The following FLRT2 variants were observed in gnomAD, a reference collection of about 807,000 sequenced individuals.
The protein encoded by FLRT2 is leucine-rich repeat transmembrane protein FLRT2.
A neutral mutation model predicts 40.0 loss-of-function variants in FLRT2; 15 were observed. That is an observed-to-expected ratio of 0.38 (90% CI 0.25 to 0.58). The LOEUF (loss-of-function observed/expected upper bound fraction) is 0.58. FLRT2 is among the 20% of genes least tolerant of loss of function. The pLI, the probability that FLRT2 is intolerant of heterozygous loss-of-function variation, is 0.71. For missense variants in FLRT2, 726 were observed against 840.0 expected (o/e 0.86, Z 1.68); for synonymous variants, 380 against 336.8 (o/e 1.13, Z -1.41).
rs1894203354 is a variant in FLRT2 at position 85,643,326 on chromosome 14, T to TTCCTTC, written c.*19829_*19830insTCCTTC. 1 of 114,004 alleles carries TTCCTTC rather than the reference T, an allele frequency of 8.8e-6. No homozygotes were observed. The highest frequency in any genetic ancestry group is 3.7e-5 in the African/African-American group (1 of 26,702). The allele number at this position is 114,004 out of a possible 1,614,324, so 7.1% of individuals were successfully genotyped here. On this transcript the variant is annotated 3_prime_UTR_variant, in exon 2 of 2. Transcript: ENST00000330753. ...TTCTTTCTTTCTTTCTTTCTTTCTT[T>TTCCTTC]CTTTCTTTCTTTCTTTCTTTCTTTC...
rs1894443243 is a variant in FLRT2 at position 85,651,964 on chromosome 14, G to A, written c.*28467G>A. 6.6e-6 allele frequency: 1 copy of A among 151,932 alleles called. No homozygotes were observed. The highest frequency in any genetic ancestry group is 1.5e-5 in the Non-Finnish European group (1 of 67,938). The allele number at this position is 151,932 out of a possible 1,614,324, so 9.4% of individuals were successfully genotyped here. ...AATATGCTTTCCCACTAGGGCTGGGGCTAATGGAAAATACATCTTAAAAAG... is the reference window on the plus strand; with the variant it reads ...AATATGCTTTCCCACTAGGGCTGGGACTAATGGAAAATACATCTTAAAAAG... On this transcript the variant is annotated 3_prime_UTR_variant, in exon 2 of 2. Transcript: ENST00000330753.
intron 1 of FLRT2, among the ~76,000 whole-genome samples, chr14:85,565,907 A>G (rs952227003): frequency 3.3e-5 from 5 of 152,332 alleles, no homozygotes; most frequent in Non-Finnish European, 4.4e-5. Context: ...TTAGTCCTCC[A>G]GACAGAAACT....
At chr14:85,616,412 A>G (rs1893135838) in intron 1 of FLRT2, among the ~76,000 whole-genome samples, 1 of 152,186 alleles carries the variant, frequency 6.6e-6, no homozygotes, top group South Asian at 2.1e-4. Flanking sequence ...TATAGGTGAC[A>G]TGCCCAATGA....
rs949460294 is a variant in FLRT2 at position 85,634,508 on chromosome 14, A to G, written c.*11011A>G. 1.3e-5 allele frequency: 2 copies of G among 152,244 alleles called. No homozygotes were observed. Among genetic ancestry groups the G allele is most frequent in the Non-Finnish European group, 2.9e-5 (2 of 68,038 alleles). The allele number at this position is 152,244 out of a possible 1,614,324, so 9.4% of individuals were successfully genotyped here. A position where few individuals can be genotyped will look rare whatever the true frequency, so the allele number is the denominator to read the frequency against. ...AGCTGTTTTGTAATGGAGGCCAATT[A>G]TATCTAACAGCAACTGTGTCTATAA... On this transcript the variant is annotated 3_prime_UTR_variant, in exon 2 of 2. Coordinates refer to ENST00000330753, the MANE Select transcript of FLRT2 (RefSeq NM_013231.6).
chr14:85,576,463 T>C (rs910016431), intron 1 of FLRT2, among the ~76,000 whole-genome samples: 7 of 152,192 alleles, frequency 4.6e-5, no homozygotes, highest in Non-Finnish European at 8.8e-5. Context: ...CCATTACCAT[T>C]GTTTTGTGTT....
rs961769251 is a variant in FLRT2 at position 85,652,880 on chromosome 14, C to T, written c.*29383C>T. 1.3e-5 allele frequency: 2 copies of T among 152,132 alleles called. No individual in the cohort carries two copies. Among genetic ancestry groups the T allele is most frequent in the South Asian group, 2.1e-4 (1 of 4,820 alleles). 9.4% of individuals were successfully genotyped at this position (152,132 alleles called of 1,614,324 possible). On this transcript the variant is annotated 3_prime_UTR_variant, in exon 2 of 2. Transcript: ENST00000330753. ...TTTTGCTCATTAATCAATGTAAGAA[C>T]ACCTTACTTTACATTCATTGAACTC...
At position 85,564,019 on chromosome 14, in the gene FLRT2, G is replaced by C. The variant is rs141544919; in HGVS notation, c.-377+33485G>C. Among the ~76,000 whole-genome samples the C allele has an allele frequency of 2.2e-3, 339 of 152,268 alleles. 1 individual carries two copies. Among genetic ancestry groups the C allele is most frequent in the African/African-American group, 8.0e-3 (334 of 41,558 alleles). On this transcript the variant is annotated intron_variant, in intron 1 of 1. Transcript: ENST00000330753. Reference sequence around the variant, plus strand: ...CCTACATTTGACACTTACGTGGACAGCCAGAAGTCAGGGCACTTGTCCTCT... The same window carrying C: ...CCTACATTTGACACTTACGTGGACACCCAGAAGTCAGGGCACTTGTCCTCT...
chr14:85,610,617 T>TA (rs1892816722), intron 1 of FLRT2, among the ~76,000 whole-genome samples: 1 of 152,214 alleles, frequency 6.6e-6, no homozygotes, highest in East Asian at 1.9e-4. Context: ...CTGCCAGAGC[T>TA]AAGGCTCTCC....
At chr14:85,552,204 C>T (rs897555662) in intron 1 of FLRT2, among the ~76,000 whole-genome samples, 10 of 152,166 alleles carry the variant, frequency 6.6e-5, no homozygotes, top group African/African-American at 2.4e-4. Flanking sequence ...TTCTCAGAAT[C>T]TAGGGAGCTT....
Position 85,623,069 on chromosome 14 carries a change from C to T in FLRT2, c.1555C>T (p.Leu519=). Residue 519 remains leucine, a synonymous_variant, in exon 2 of 2, where the codon CTG becomes TTG. Transcript: ENST00000330753. ...AGAGGCCACCACCCATGCCTCCTAT[C>T]TGAACAACGGCAGCAACACAGCGTC... ...CSEATTHASY[L]NNGSNTASSH... 3 of 1,614,174 alleles carry T rather than the reference C, an allele frequency of 1.9e-6. No individual in the cohort carries two copies. The highest frequency in any genetic ancestry group is 2.5e-6 in the Non-Finnish European group (3 of 1,180,020).
At position 85,651,917 on chromosome 14, in the gene FLRT2, G is replaced by A. The variant is rs897308000; in HGVS notation, c.*28420G>A. ...TAAAAGGAATTTCAAACATATTATT[G>A]GTCATCATCACCTGCCTATTAAATA... On this transcript the variant is annotated 3_prime_UTR_variant, in exon 2 of 2. Transcript: ENST00000330753. The A allele has an allele frequency of 2.0e-5, 3 of 151,868 alleles. No homozygotes were observed. Among genetic ancestry groups the A allele is most frequent in the African/African-American group, 4.8e-5 (2 of 41,350 alleles). 9.4% of individuals were successfully genotyped at this position (151,868 alleles called of 1,614,324 possible).
chr14:85,574,001 T>A (rs1891011493), intron 1 of FLRT2, among the ~76,000 whole-genome samples: 1 of 152,140 alleles, frequency 6.6e-6, no homozygotes, highest in Admixed American at 6.5e-5. Context: ...TGGGAGCTTG[T>A]AAACATAGTG....
intron 1 of FLRT2, among the ~76,000 whole-genome samples, chr14:85,563,818 A>T (rs1890485577): frequency 6.6e-6 from 1 of 152,174 alleles, no homozygotes; most frequent in East Asian, 1.9e-4. Flanking sequence ...AAAAAAATAG[A>T]TAAAGTTGAC....
intron 1 of FLRT2, among the ~76,000 whole-genome samples, chr14:85,570,297 A>C (rs546924091): frequency 6.6e-6 from 1 of 152,224 alleles, no homozygotes; most frequent in African/African-American, 2.4e-5. Flanking sequence ...CAGTAAACAC[A>C]TATGAAAATT....
intron 1 of FLRT2, among the ~76,000 whole-genome samples, chr14:85,559,104 C>T (rs974589585): frequency 2.0e-5 from 3 of 152,196 alleles, no homozygotes; most frequent in Admixed American, 6.5e-5. Flanking sequence ...GCTCTTCATG[C>T]AGAATACTTT....
rs1429470854 is a variant in FLRT2 at position 85,642,744 on chromosome 14, T to C, written c.*19247T>C. On this transcript the variant is annotated 3_prime_UTR_variant, in exon 2 of 2. Coordinates refer to ENST00000330753, the MANE Select transcript of FLRT2 (RefSeq NM_013231.6). ...TTACCCAACCAGCTCAGAGTGATTA[T>C]AATTGTTTTGCTTTCTGGATTGGTT... 2.6e-5 allele frequency: 4 copies of C among 152,198 alleles called. No individual in the cohort carries two copies. The highest frequency in any genetic ancestry group is 2.6e-4 in the Admixed American group (4 of 15,282). 9.4% of individuals were successfully genotyped at this position (152,198 alleles called of 1,614,324 possible). A position where few individuals can be genotyped will look rare whatever the true frequency, so the allele number is the denominator to read the frequency against.
At chr14:85,576,595 A>C (rs1489042108) in intron 1 of FLRT2, among the ~76,000 whole-genome samples, 3 of 152,222 alleles carry the variant, frequency 2.0e-5, no homozygotes, top group African/African-American at 4.8e-5. Context: ...AGCCAAAGAC[A>C]GTGTTTTTCA....
chr14:85,588,010 C>A (rs1177317454), intron 1 of FLRT2, among the ~76,000 whole-genome samples: 1 of 152,000 alleles, frequency 6.6e-6, no homozygotes, highest in Non-Finnish European at 1.5e-5. Flanking sequence ...CAGCTCACCG[C>A]AATCTCGGCC....
At position 85,650,197 on chromosome 14, in the gene FLRT2, C is replaced by A. The variant is rs576087945; in HGVS notation, c.*26700C>A. ...TACGTGTTTTAAATTTATACATAAA[C>A]AATTTCAAACTCTATGAATCATTCT... On this transcript the variant is annotated 3_prime_UTR_variant, in exon 2 of 2. Transcript: ENST00000330753. 3.2e-4 allele frequency: 48 copies of A among 152,100 alleles called. No individual in the cohort carries two copies. Among genetic ancestry groups the A allele is most frequent in the African/African-American group, 1.1e-3 (46 of 41,520 alleles). The allele number at this position is 152,100 out of a possible 1,614,324, so 9.4% of individuals were successfully genotyped here. A position where few individuals can be genotyped will look rare whatever the true frequency, so the allele number is the denominator to read the frequency against.
Sources: allele counts gnomAD v4.1 joint callset (sites outside exome capture counted in the v4.1 genomes callset), GRCh38; gene constraint gnomAD v4.1.1; transcripts MANE v1.5; gene names NCBI Gene and HGNC (gene_info 2026-07-23, HGNC 2026-07-21).